Variants in CNBD1 observed in about 807,000 individuals in gnomAD.
CNBD1 encodes cyclic nucleotide-binding domain-containing protein 1.
In CNBD1, 71 loss-of-function variants were observed where a neutral mutation model predicts 54.4. That is an observed-to-expected ratio of 1.30 (90% CI 1.08 to 1.59). The LOEUF (loss-of-function observed/expected upper bound fraction) is 1.59. CNBD1 is among the 40% of genes most tolerant of loss of function. CNBD1 has a pLI of 0.00. For synonymous variants in CNBD1, 182 were observed against 170.7 expected (o/e 1.07, Z -0.51); for missense variants, 659 against 518.0 (o/e 1.27, Z -2.64).
intron 5 of CNBD1, among the ~76,000 whole-genome samples, chr8:87,225,499 A>G (rs1245387445): frequency 4.7e-5 from 7 of 150,412 alleles, no homozygotes; most frequent in Non-Finnish European, 1.0e-4. Context: ...TGAGATAATC[A>G]TGTGGTTTTT....
chr8:87,412,259 T>C (rs568122159), intron 2 of CNBD1, among the ~76,000 whole-genome samples: 1 of 152,246 alleles, frequency 6.6e-6, no homozygotes, highest in Middle Eastern at 3.4e-3. Flanking sequence ...ATATATCATG[T>C]GTTTTGGTAT....
intron 3 of CNBD1, among the ~76,000 whole-genome samples, chr8:86,932,944 C>T (rs760600293): frequency 7.2e-5 from 11 of 152,054 alleles, no homozygotes; most frequent in Non-Finnish European, 1.2e-4. Flanking sequence ...TCCTAGATCA[C>T]AAAGAGGACC....
intron 3 of CNBD1, among the ~76,000 whole-genome samples, chr8:86,908,126 A>G (rs1363034112): frequency 1.3e-5 from 2 of 152,236 alleles, no homozygotes; most frequent in African/African-American, 4.8e-5. Context: ...GAGAAATGCT[A>G]CATAGAAATG....
chr8:87,221,983 C>A (rs1814348914), intron 5 of CNBD1, among the ~76,000 whole-genome samples: 1 of 151,926 alleles, frequency 6.6e-6, no homozygotes, highest in Non-Finnish European at 1.5e-5. Flanking sequence ...CAAAATAATC[C>A]CATTTCCAAA....
intron 8 of CNBD1, among the ~76,000 whole-genome samples, chr8:87,319,271 A>G (rs1350695698): frequency 2.0e-5 from 3 of 152,142 alleles, no homozygotes; most frequent in Non-Finnish European, 4.4e-5. Context: ...TCAATGCTTG[A>G]TGTGGAAGTA....
chr8:86,940,039 C>T (rs1809623573), intron 4 of CNBD1, among the ~76,000 whole-genome samples: 1 of 150,762 alleles, frequency 6.6e-6, no homozygotes, highest in Non-Finnish European at 1.5e-5. Flanking sequence ...TTTCAAAATT[C>T]TGTTAAAGAT....
intron 4 of CNBD1, among the ~76,000 whole-genome samples, chr8:86,945,823 C>A (rs1717693653): frequency 6.6e-6 from 1 of 152,158 alleles, no homozygotes; most frequent in Non-Finnish European, 1.5e-5. Flanking sequence ...ATTAAAAACT[C>A]ATTGACAGTA....
chr8:87,076,686 C>T (rs1810880969), intron 4 of CNBD1, among the ~76,000 whole-genome samples: 2 of 152,130 alleles, frequency 1.3e-5, no homozygotes, highest in African/African-American at 2.4e-5. Context: ...TTGTGATCTG[C>T]TTGCCTTGGC....
chr8:87,387,338 A>G (rs1811210110), downstream of CNBD1, among the ~76,000 whole-genome samples: 1 of 152,076 alleles, frequency 6.6e-6, no homozygotes, highest in Non-Finnish European at 1.5e-5. Context: ...AAGACCCATC[A>G]ATGTGCTGTA....
chr8:87,132,644 A>C (rs1266369993), intron 4 of CNBD1, among the ~76,000 whole-genome samples: 1 of 147,708 alleles, frequency 6.8e-6, no homozygotes, highest in African/African-American at 2.5e-5. Context: ...AATATATGAT[A>C]TATGTAAGAT....
chr8:87,123,198 A>G (rs1449845715), intron 4 of CNBD1, among the ~76,000 whole-genome samples: 2 of 151,818 alleles, frequency 1.3e-5, no homozygotes, highest in African/African-American at 4.8e-5. Flanking sequence ...ATTCCACTCA[A>G]CAGTAGCATA....
intron 10 of CNBD1, among the ~76,000 whole-genome samples, chr8:87,379,284 A>T (rs1401440245): frequency 6.6e-6 from 1 of 151,978 alleles, no homozygotes; most frequent in Non-Finnish European, 1.5e-5. Flanking sequence ...TAATAATGGG[A>T]GACTTTAACA....
intron 8 of CNBD1, among the ~76,000 whole-genome samples, chr8:87,338,436 G>T (rs1037741898): frequency 6.6e-6 from 1 of 151,898 alleles, no homozygotes; most frequent in Non-Finnish European, 1.5e-5. Context: ...AATTTTTCAG[G>T]TTACAGAATT....
downstream of CNBD1, among the ~76,000 whole-genome samples, chr8:87,384,257 C>T (rs1441235069): frequency 6.6e-6 from 1 of 152,086 alleles, no homozygotes; most frequent in African/African-American, 2.4e-5. Flanking sequence ...CTTCATCTTT[C>T]AACAGACATT....
chr8:87,007,920 G>C (rs757995252), intron 4 of CNBD1, among the ~76,000 whole-genome samples: 1 of 152,090 alleles, frequency 6.6e-6, no homozygotes, highest in Admixed American at 6.6e-5. Flanking sequence ...CTCCAAAAAC[G>C]TAATTCATGT....
At chr8:87,328,137 G>C (rs552593500) in intron 8 of CNBD1, among the ~76,000 whole-genome samples, 5 of 151,766 alleles carry the variant, frequency 3.3e-5, no homozygotes, top group Non-Finnish European at 7.4e-5. Context: ...CCTTCCCCGT[G>C]CCCCCAATCC....
intron 3 of CNBD1, among the ~76,000 whole-genome samples, chr8:86,910,155 G>A (rs1249658035): frequency 1.3e-5 from 2 of 152,096 alleles, no homozygotes; most frequent in Admixed American, 6.6e-5. Flanking sequence ...AGGAACATAA[G>A]TTCCTCTGAG....
chr8:87,301,706 G>A (rs1563543448), intron 8 of CNBD1, among the ~76,000 whole-genome samples: 1 of 151,978 alleles, frequency 6.6e-6, no homozygotes, highest in Non-Finnish European at 1.5e-5. Flanking sequence ...CCAGGACCTG[G>A]TTTTTTGAAA....
intron 8 of CNBD1, among the ~76,000 whole-genome samples, chr8:87,301,302 T>C (rs1312635515): frequency 6.6e-6 from 1 of 152,016 alleles, no homozygotes; most frequent in Non-Finnish European, 1.5e-5. Context: ...TTTGAAACAA[T>C]ACCACAAGAT....
Sources: allele counts gnomAD v4.1 joint callset (sites outside exome capture counted in the v4.1 genomes callset), GRCh38; gene constraint gnomAD v4.1.1; transcripts MANE v1.5; gene names NCBI Gene and HGNC (gene_info 2026-07-23, HGNC 2026-07-21).